ADGRB3: variants seen among roughly 807,000 people sequenced by gnomAD.
The protein encoded by ADGRB3 is adhesion G protein-coupled receptor B3.
A neutral mutation model predicts 193.4 loss-of-function variants in ADGRB3; 37 were observed. The ratio of observed to expected loss-of-function variants is 0.19; its 90% CI spans 0.15 to 0.25. The LOEUF (loss-of-function observed/expected upper bound fraction) is 0.25. Ranked by LOEUF, ADGRB3 falls within the 10% of genes least tolerant of loss-of-function variation. The pLI, the probability that ADGRB3 is intolerant of heterozygous loss-of-function variation, is 1.00. For missense variants in ADGRB3, 1,637 were observed against 1,852.9 expected, an observed-to-expected ratio of 0.88 and a Z score of 2.14; for synonymous variants, 690 against 644.2, an observed-to-expected ratio of 1.07 and a Z score of -1.08.
At chr6:68,926,807 C>T in intron 3 of ADGRB3, among the ~76,000 whole-genome samples, 1 of 152,030 alleles carries the variant, frequency 6.6e-6, no homozygotes, top group East Asian at 1.9e-4. Flanking sequence ...AATTTCCAGA[C>T]AAAAACTTTA....
intron 20 of ADGRB3, among the ~76,000 whole-genome samples, chr6:69,280,124 G>A (rs553863568): frequency 6.6e-6 from 1 of 152,234 alleles, no homozygotes; most frequent in Admixed American, 6.5e-5. Flanking sequence ...AAAAATATAT[G>A]TTTCTGGTTT....
chr6:69,280,862 T>G (rs1334178782), intron 20 of ADGRB3, among the ~76,000 whole-genome samples: 1 of 152,018 alleles, frequency 6.6e-6, no homozygotes, highest in African/African-American at 2.4e-5. Context: ...AATATATATA[T>G]ATATGTAAGG....
At chr6:69,307,825 G>A (rs983677833) in intron 20 of ADGRB3, among the ~76,000 whole-genome samples, 1 of 151,390 alleles carries the variant, frequency 6.6e-6, no homozygotes, top group African/African-American at 2.4e-5. Context: ...TGGCTAAAGG[G>A]TGTGACTGGC....
intron 17 of ADGRB3, among the ~76,000 whole-genome samples, chr6:69,151,511 G>A (rs896924166): frequency 6.6e-6 from 1 of 152,112 alleles, no homozygotes; most frequent in African/African-American, 2.4e-5. Context: ...TATCTTTTCT[G>A]CCCTCTTCAG....
intron 17 of ADGRB3, among the ~76,000 whole-genome samples, chr6:69,211,936 T>C (rs539429742): frequency 2.9e-4 from 44 of 152,356 alleles, no homozygotes; most frequent in African/African-American, 1.0e-3. Flanking sequence ...ATAAAATAAA[T>C]GCTTAGATAT....
chr6:68,650,657 A>G (rs992279192), intron 3 of ADGRB3, among the ~76,000 whole-genome samples: 4 of 152,206 alleles, frequency 2.6e-5, no homozygotes, highest in African/African-American at 9.6e-5. Flanking sequence ...AAAACAAAAC[A>G]AAAACAAAAC....
At chr6:69,040,313 CTTT>C (rs1562133040) in intron 13 of ADGRB3, among the ~76,000 whole-genome samples, 1 of 36,734 alleles carries the variant, frequency 2.7e-5, no homozygotes, top group Non-Finnish European at 5.4e-5. Flanking sequence ...CTGTCTCTTT[CTTT>C]CTTTCTTTCT....
intron 13 of ADGRB3, among the ~76,000 whole-genome samples, chr6:69,031,116 C>CTTCTCTTCTCTTCTCTTCTCTTCTCT (rs58370570): frequency 2.0e-5 from 1 of 49,352 alleles, no homozygotes; most frequent in Admixed American, 1.8e-4. Flanking sequence ...CTTCTCTTCT[C>CTTCTCTTCTCTTCTCTTCTCTTCTCT]TCTCTTCTCT....
At chr6:68,958,652 C>T (rs556967500) in intron 8 of ADGRB3, among the ~76,000 whole-genome samples, 1 of 151,654 alleles carries the variant, frequency 6.6e-6, no homozygotes, top group East Asian at 1.9e-4. Flanking sequence ...TGACTTAAGG[C>T]AGGTTAAAAA....
chr6:68,909,672 G>A (rs564502984), intron 3 of ADGRB3, among the ~76,000 whole-genome samples: 44 of 152,136 alleles, frequency 2.9e-4, no homozygotes, highest in African/African-American at 9.2e-4. Context: ...TTTAGATATC[G>A]CTTCTTTGTC....
chr6:69,048,707 G>A (rs767401841), intron 14 of ADGRB3, among the ~76,000 whole-genome samples: 1 of 151,936 alleles, frequency 6.6e-6, no homozygotes, highest in Admixed American at 6.6e-5. Context: ...ATTAAAATTT[G>A]CTTCGGTTTG....
At chr6:69,376,986 A>T (rs1229386650) in intron 30 of ADGRB3, among the ~76,000 whole-genome samples, 1 of 152,080 alleles carries the variant, frequency 6.6e-6, no homozygotes, top group Non-Finnish European at 1.5e-5. Context: ...CTGGCATCAT[A>T]TTTATTCAAA....
intron 8 of ADGRB3, among the ~76,000 whole-genome samples, chr6:68,965,019 C>G (rs916760480): frequency 6.6e-6 from 1 of 152,144 alleles, no homozygotes; most frequent in Non-Finnish European, 1.5e-5. Flanking sequence ...ACACTAAACA[C>G]TTTCTGTCTT....
intron 8 of ADGRB3, among the ~76,000 whole-genome samples, chr6:68,966,370 C>A (rs752451072): frequency 2.0e-4 from 30 of 152,034 alleles, no homozygotes; most frequent in Non-Finnish European, 3.8e-4. Context: ...TTTCCCTTGC[C>A]CCTAATATAA....
At chr6:68,725,273 T>C (rs1175168977) in intron 3 of ADGRB3, among the ~76,000 whole-genome samples, 1 of 151,652 alleles carries the variant, frequency 6.6e-6, no homozygotes, top group Non-Finnish European at 1.5e-5. Flanking sequence ...TTAGGATTTA[T>C]CCCACATATA....
chr6:69,190,206 G>A (rs1395468547), intron 17 of ADGRB3, among the ~76,000 whole-genome samples: 1 of 152,062 alleles, frequency 6.6e-6, no homozygotes, highest in African/African-American at 2.4e-5. Flanking sequence ...CATTTGTGGA[G>A]ATACCCAGAA....
intron 3 of ADGRB3, among the ~76,000 whole-genome samples, chr6:68,673,120 T>TA (rs1769007422): frequency 6.6e-6 from 1 of 152,006 alleles, no homozygotes; most frequent in Non-Finnish European, 1.5e-5. Flanking sequence ...GGTGCAATAA[T>TA]AATTAAATGA....
intron 26 of ADGRB3, among the ~76,000 whole-genome samples, chr6:69,347,623 A>T (rs1180151561): frequency 6.6e-6 from 1 of 152,070 alleles, no homozygotes; most frequent in South Asian, 2.1e-4. Context: ...ACAAAAAAAA[A>T]TTTAAAAAAC....
chr6:69,158,093 G>T (rs558228630), intron 17 of ADGRB3, among the ~76,000 whole-genome samples: 2 of 151,900 alleles, frequency 1.3e-5, no homozygotes, highest in African/African-American at 2.4e-5. Flanking sequence ...TTAATCTTAC[G>T]ATACACATAA....
Sources: gnomAD v4.1 joint callset for allele counts (sites outside exome capture counted in the v4.1 genomes callset) on GRCh38, gnomAD v4.1.1 for gene constraint, MANE v1.5 for transcripts, NCBI Gene and HGNC (gene_info 2026-07-23, HGNC 2026-07-21) for gene names.